The following UBA5 variants were observed in gnomAD, a reference collection of about 807,000 sequenced individuals.
The protein encoded by UBA5 is ubiquitin-like modifier-activating enzyme 5.
A neutral mutation model predicts 52.9 loss-of-function variants in UBA5; 28 were observed. The ratio of observed to expected loss-of-function variants is 0.53; its 90% CI spans 0.39 to 0.73. UBA5 has a LOEUF of 0.73. Ranked by LOEUF, UBA5 falls within the 30% of genes least tolerant of loss-of-function variation. The pLI, the probability that UBA5 is intolerant of heterozygous loss-of-function variation, is 0.00. For synonymous variants in UBA5, 135 were observed against 162.1 expected (o/e 0.83, Z 1.27); for missense variants, 388 against 492.7 (o/e 0.79, Z 2.01).
At chr3:132,670,412 C>G in intron 5 of UBA5, 128 bp downstream of exon 5, 1 of 498,036 alleles carries the variant, frequency 2.0e-6, no homozygotes, top group South Asian at 3.1e-5. Flanking sequence ...TTTAGTACAG[C>G]AATTTTTGTG....
chr3:132,668,885 A>T lies in UBA5; in HGVS notation c.365A>T (p.Gln122Leu). The change falls in exon 4 of 12, where the codon CAA becomes CTA. Residue 122 changes from glutamine to leucine, a missense_variant. Coordinates refer to ENST00000356232, the MANE Select transcript of UBA5 (RefSeq NM_024818.6). Reference protein sequence around the residue: ...NMNRLFFQPHQAGLSKVQAAE... With the variant: ...NMNRLFFQPHLAGLSKVQAAE... Reference sequence around the variant, plus strand: ...AATAGACTTTTCTTCCAACCTCATCAAGCAGGATTAAGTAAAGTTCAAGCA... The same window carrying T: ...AATAGACTTTTCTTCCAACCTCATCTAGCAGGATTAAGTAAAGTTCAAGCA... 1 of 1,611,796 alleles carries T rather than the reference A, an allele frequency of 6.2e-7. No homozygotes were observed. Among genetic ancestry groups the T allele is most frequent in the Non-Finnish European group, 8.5e-7 (1 of 1,179,368 alleles).
chr3:132,670,105 G>A, intron 4 of UBA5, 93 bp from the exon 5 acceptor site: 2 of 661,214 alleles, frequency 3.0e-6, no homozygotes, highest in Admixed American at 2.9e-5. Flanking sequence ...GCTCGCTGTA[G>A]CCTTGAACTC....
chr3:132,665,550 T>G (rs901558293), intron 1 of UBA5, among the ~76,000 whole-genome samples: 3 of 152,098 alleles, frequency 2.0e-5, no homozygotes, highest in East Asian at 1.9e-4. Flanking sequence ...CCCTTAACAT[T>G]TAAGTAGTAG....
Position 132,660,712 on chromosome 3 carries a change from C to T in UBA5, c.161+14C>T. ...GAATCCCTACAGGTAACCTGCGTCG[C>T]CGGTCGGAGGCAGGCGCGGGGGACG... On this transcript the variant is annotated intron_variant, in intron 1 of 11. Transcript: ENST00000356232. The surrounding 1 kb of genome is among the most constrained non-coding windows in gnomAD (Gnocchi z 4.1). The T allele has an allele frequency of 1.3e-6, 2 of 1,529,568 alleles. No individual in the cohort carries two copies. The highest frequency in any genetic ancestry group is 2.4e-5 in the East Asian group (1 of 41,208). The allele number at this position is 1,529,568 out of a possible 1,614,324, so 94.7% of individuals were successfully genotyped here.
At chr3:132,663,547 CA>C (rs1300930933) in intron 1 of UBA5, among the ~76,000 whole-genome samples, 4 of 152,098 alleles carry the variant, frequency 2.6e-5, no homozygotes, top group African/African-American at 7.2e-5. Flanking sequence ...AACTCCAACT[CA>C]GGTTGGAGTT....
intron 1 of UBA5, chr3:132,661,005 G>A: frequency 7.0e-7 from 1 of 1,418,632 alleles, no homozygotes; most frequent in East Asian, 3.4e-5. Context: ...AAGACTGATA[G>A]TAAGAACTTT....
At chr3:132,654,908 G>A (rs762991189) in intron 1 of UBA5, among the ~76,000 whole-genome samples, 2 of 152,178 alleles carry the variant, frequency 1.3e-5, no homozygotes, top group Non-Finnish European at 2.9e-5. Context: ...ATTTGAACCC[G>A]ATAGGACACA....
intron 8 of UBA5, 73 bp from the exon 9 acceptor site, chr3:132,675,175 T>G (rs1352914444): frequency 8.9e-7 from 1 of 1,124,848 alleles, no homozygotes; most frequent in South Asian, 1.6e-5. Flanking sequence ...AACGTTATTT[T>G]TAAAAAATTT....
chr3:132,659,758 C>T (rs763097263), upstream of UBA5: 1 of 1,584,292 alleles, frequency 6.3e-7, no homozygotes, highest in Admixed American at 1.8e-5. Context: ...TCATGATCAC[C>T]CCCGCAGGCC....
At chr3:132,654,440 T>C (rs1394949971), upstream of UBA5, 1 of 152,186 alleles carries the variant, frequency 6.6e-6, no homozygotes, top group Non-Finnish European at 1.5e-5. Flanking sequence ...ATATGTGTGG[T>C]GGACTGAGGT....
chr3:132,663,392 G>C (rs1037639446), intron 1 of UBA5, among the ~76,000 whole-genome samples: 1 of 152,150 alleles, frequency 6.6e-6, no homozygotes, highest in Non-Finnish European at 1.5e-5. Context: ...GAATAATTGG[G>C]GCAGGTCTTT....
At chr3:132,672,905 T>C (rs538295373) in intron 8 of UBA5, among the ~76,000 whole-genome samples, 3 of 152,322 alleles carry the variant, frequency 2.0e-5, no homozygotes, top group Admixed American at 2.0e-4. Flanking sequence ...AGAGCCCCTT[T>C]AGGTGTTCTC....
At chr3:132,656,402 A>G (rs1238844376), upstream of UBA5, among the ~76,000 whole-genome samples, 2 of 152,006 alleles carry the variant, frequency 1.3e-5, no homozygotes, top group Non-Finnish European at 2.9e-5. Flanking sequence ...TTTTTACAAG[A>G]TCATGTTGAG....
upstream of UBA5, among the ~76,000 whole-genome samples, chr3:132,656,403 T>C (rs1454121015): frequency 6.6e-6 from 1 of 152,092 alleles, no homozygotes. Flanking sequence ...TTTTACAAGA[T>C]CATGTTGAGT....
chr3:132,675,497 T>A, intron 9 of UBA5, 108 bp from the exon 10 acceptor site: 3 of 1,512,432 alleles, frequency 2.0e-6, no homozygotes, highest in Non-Finnish European at 2.7e-6. Flanking sequence ...CAAAAATGAA[T>A]GTTCTTTCTT....
intron 6 of UBA5, 61 bp downstream of exon 6, chr3:132,671,110 TC>T: frequency 4.3e-6 from 6 of 1,386,366 alleles, no homozygotes; most frequent in Non-Finnish European, 6.1e-6. Context: ...GTATATTCTA[TC>T]AGTATATAAT....
At position 132,672,180 on chromosome 3, in the gene UBA5, A is replaced by G; in HGVS notation, c.812+3A>G. On this transcript the variant is annotated splice_donor_region_variant and intron_variant, in intron 8 of 11. Transcript: ENST00000356232. ...ATCTTAGTACAAAACGTGTTAAAGT[A>G]AGTCAGGGCTAATTTTTCTGAATAG... The G allele has an allele frequency of 6.2e-7, 1 of 1,612,336 alleles. No homozygotes were observed. Among genetic ancestry groups the G allele is most frequent in the Non-Finnish European group, 8.5e-7 (1 of 1,179,390 alleles).
chr3:132,676,319 T>G lies in UBA5; in HGVS notation c.1132-124T>G. On this transcript the variant is annotated intron_variant, in intron 11 of 11. Coordinates refer to ENST00000356232, the MANE Select transcript of UBA5 (RefSeq NM_024818.6). This position sits in a 1 kb window ranked among gnomAD's most constrained non-coding sequence, Gnocchi z 4.1. ...CTTTCTTCTAAAAATTAGAAGATAGTTGTTAAAGAAAATTTACTTTATAAC... is the reference window on the plus strand; with the variant it reads ...CTTTCTTCTAAAAATTAGAAGATAGGTGTTAAAGAAAATTTACTTTATAAC... 1.4e-6 allele frequency: 1 copy of G among 698,954 alleles called. No individual in the cohort carries two copies. 43.3% of individuals were successfully genotyped at this position (698,954 alleles called of 1,614,324 possible).
intron 1 of UBA5, among the ~76,000 whole-genome samples, chr3:132,664,711 C>T (rs1938301440): frequency 6.6e-6 from 1 of 151,992 alleles, no homozygotes; most frequent in Non-Finnish European, 1.5e-5. Context: ...ATACAGGAAA[C>T]AGTGGATTAA....
Sources: allele counts gnomAD v4.1 joint callset (sites outside exome capture counted in the v4.1 genomes callset), GRCh38; gene constraint gnomAD v4.1.1; non-coding constraint Gnocchi (gnomAD v3.1); transcripts MANE v1.5; gene names NCBI Gene and HGNC (gene_info 2026-07-23, HGNC 2026-07-21).